RPF2: variants seen among roughly 807,000 people sequenced by gnomAD.
The protein encoded by RPF2 is brix domain containing 1.
Under a neutral mutation model 38.9 loss-of-function variants are expected in RPF2, and 21 were observed. That is an observed-to-expected ratio of 0.54 (90% CI 0.38 to 0.78). The LOEUF is 0.78. Ranked by LOEUF, RPF2 falls within the 30% of genes least tolerant of loss-of-function variation. The probability of loss-of-function intolerance (pLI) is 0.00; values close to 1 mark genes in which losing one functional copy is unlikely to be tolerated. For synonymous variants in RPF2, 121 were observed against 126.2 expected (o/e 0.96, Z 0.28); for missense variants, 314 against 358.1 (o/e 0.88, Z 0.99).
At chr6:111,013,264 C>T (rs1583272224) in intron 7 of RPF2, among the ~76,000 whole-genome samples, 2 of 152,170 alleles carry the variant, frequency 1.3e-5, no homozygotes, top group South Asian at 4.1e-4. Context: ...TGCTCTGGTA[C>T]AATTTATTAA....
intron 7 of RPF2, among the ~76,000 whole-genome samples, chr6:111,010,690 A>G (rs889372156): frequency 6.6e-6 from 1 of 152,154 alleles, no homozygotes; most frequent in Non-Finnish European, 1.5e-5. Flanking sequence ...AAATTTTTAT[A>G]TACTTTGCTG....
chr6:110,999,648 G>A, intron 5 of RPF2, 63 bp from the exon 6 acceptor site: 1 of 993,374 alleles, frequency 1.0e-6, no homozygotes, highest in South Asian at 1.3e-5. Flanking sequence ...CACAGCTCTT[G>A]TGGGTATATG....
At chr6:110,982,521 A>ATG in intron 1 of RPF2, 9 of 231,424 alleles carry the variant, frequency 3.9e-5, no homozygotes, top group South Asian at 1.5e-4. Context: ...AATATCTCTA[A>ATG]ATCTTAGCTT....
chr6:110,995,556 C>T (rs1450207307), intron 4 of RPF2, among the ~76,000 whole-genome samples: 1 of 152,084 alleles, frequency 6.6e-6, no homozygotes, highest in Non-Finnish European at 1.5e-5. Flanking sequence ...AGGGTTATGA[C>T]TCTTTCATCT....
chr6:110,997,673 G>A (rs1371977680), intron 5 of RPF2, among the ~76,000 whole-genome samples: 2 of 152,086 alleles, frequency 1.3e-5, no homozygotes, highest in Admixed American at 6.6e-5. Flanking sequence ...CCAAGATGGC[G>A]CCACTGTACT....
chr6:111,027,556 C>T lies in RPF2; in HGVS notation c.*1974C>T. On this transcript the variant is annotated 3_prime_UTR_variant, in exon 10 of 10. Coordinates refer to ENST00000441448, the MANE Select transcript of RPF2 (RefSeq NM_032194.3). ...CTCACCAGCCGCTTACGGGACCCTG[C>T]CATGCCTGGACCCCTCTATCAGGAA... is the stretch of plus-strand genomic sequence containing the variant. 1 of 152,336 alleles carries T rather than the reference C, an allele frequency of 6.6e-6. No individual in the cohort carries two copies. The highest frequency in any genetic ancestry group is 1.5e-5 in the Non-Finnish European group (1 of 68,060). 9.4% of individuals were successfully genotyped at this position (152,336 alleles called of 1,614,324 possible). A position where few individuals can be genotyped will look rare whatever the true frequency, so the allele number is the denominator to read the frequency against.
At chr6:111,024,022 A>G (rs1051988208) in intron 8 of RPF2, among the ~76,000 whole-genome samples, 161 bp from the exon 9 acceptor site, 4 of 152,182 alleles carry the variant, frequency 2.6e-5, no homozygotes, top group African/African-American at 9.6e-5. Flanking sequence ...GATGTGAACC[A>G]AAGGATATAC....
chr6:111,022,837 G>A lies in RPF2; in HGVS notation c.597-1346G>A, dbSNP rs551376859. 2.6e-5 allele frequency among the ~76,000 whole-genome samples: 4 copies of A among 152,302 alleles called. No individual in the cohort carries two copies. In the South Asian group the frequency reaches 8.3e-4, roughly 32 times the overall value. On this transcript the variant is annotated intron_variant, in intron 8 of 9. Coordinates refer to ENST00000441448, the MANE Select transcript of RPF2 (RefSeq NM_032194.3). ...AAGTTTTCTAACTAGCTGAAAATTA[G>A]CAGTTTTAAGTGGAAGAAAAAATTT...
At chr6:110,983,392 G>C (rs1771464972) in intron 1 of RPF2, among the ~76,000 whole-genome samples, 1 of 151,988 alleles carries the variant, frequency 6.6e-6, no homozygotes, top group Non-Finnish European at 1.5e-5. Flanking sequence ...TGTCACCCAG[G>C]CTGGAGTGCA....
chr6:111,020,318 C>A (rs140353592), intron 8 of RPF2, among the ~76,000 whole-genome samples: 1 of 152,088 alleles, frequency 6.6e-6, no homozygotes, highest in Admixed American at 6.6e-5. Context: ...CGCATTCAAG[C>A]GATTCTCCTG....
intron 3 of RPF2, among the ~76,000 whole-genome samples, chr6:110,990,563 C>A (rs1323323377): frequency 1.0e-5 from 1 of 97,534 alleles, no homozygotes; most frequent in East Asian, 3.9e-4. Context: ...TTGGGAACCC[C>A]CCCCCCCCCC....
In RPF2 at chr6:111,001,404, G is replaced by T. The variant is rs189820262; in HGVS notation, c.393+1617G>T. The stretch of plus-strand genomic sequence containing the variant: ...GTTTTTTTTTTTCTTTCGAGACAGG[G>T]TCTTGCTCTGTCACCCAGGCTGGGG... On this transcript the variant is annotated intron_variant, in intron 6 of 9. Coordinates refer to ENST00000441448, the MANE Select transcript of RPF2 (RefSeq NM_032194.3). Among the ~76,000 whole-genome samples, 516 of 151,878 alleles carry T rather than the reference G, an allele frequency of 3.4e-3. 6 individuals are homozygous for T. Among genetic ancestry groups the T allele is most frequent in the African/African-American group, 0.012 (490 of 41,440 alleles).
intron 2 of RPF2, 37 bp from the exon 3 acceptor site, chr6:110,988,991 G>C (rs777752747): frequency 6.3e-7 from 1 of 1,589,224 alleles, no homozygotes. Context: ...TTTTCAGAAT[G>C]TGTTTTGTTT....
intron 7 of RPF2, among the ~76,000 whole-genome samples, chr6:111,014,381 C>T (rs1429715208): frequency 6.6e-6 from 1 of 152,126 alleles, no homozygotes; most frequent in Non-Finnish European, 1.5e-5. Flanking sequence ...ATCTGCTCGC[C>T]TCGGCCTCCC....
intron 3 of RPF2, among the ~76,000 whole-genome samples, chr6:110,989,553 A>G (rs903080698): frequency 6.6e-6 from 1 of 150,726 alleles, no homozygotes; most frequent in Non-Finnish European, 1.5e-5. Flanking sequence ...GGGTTCAAGC[A>G]ATTCTTCTGC....
At chr6:110,988,242 G>A (rs1047737675) in intron 2 of RPF2, among the ~76,000 whole-genome samples, 4 of 151,984 alleles carry the variant, frequency 2.6e-5, no homozygotes, top group African/African-American at 7.3e-5. Flanking sequence ...ATTATTTGTG[G>A]ATAGGTAGAA....
intron 4 of RPF2, among the ~76,000 whole-genome samples, chr6:110,994,727 G>GTATATATATATATA (rs147149680): frequency 0.074 from 7,788 of 104,990 alleles, 389 homozygotes; most frequent in East Asian, 0.33. Context: ...AATGGGATGA[G>GTATATATATATATA]TATATATACA....
intron 7 of RPF2, among the ~76,000 whole-genome samples, chr6:111,009,118 C>T (rs750436039): frequency 5.9e-4 from 89 of 150,516 alleles, no homozygotes; most frequent in African/African-American, 1.3e-3. Context: ...TGCAGTGGCG[C>T]GATCTCGGCT....
At chr6:111,017,679 A>G (rs1238704687) in intron 8 of RPF2, among the ~76,000 whole-genome samples, 2 of 146,234 alleles carry the variant, frequency 1.4e-5, no homozygotes, top group East Asian at 2.1e-4. Flanking sequence ...GACACTCCTC[A>G]CTTCCTAGAC....
Sources: gnomAD v4.1 joint callset for allele counts (sites outside exome capture counted in the v4.1 genomes callset) on GRCh38, gnomAD v4.1.1 for gene constraint, MANE v1.5 for transcripts, NCBI Gene and HGNC (gene_info 2026-07-23, HGNC 2026-07-21) for gene names.